UACA: variants seen among roughly 807,000 people sequenced by gnomAD.
UACA encodes uveal autoantigen with coiled-coil domains and ankyrin repeats.
UACA carries 112 observed loss-of-function variants against 160.5 expected under a neutral mutation model. The observed-to-expected ratio is 0.70, with a 90% confidence interval of 0.60 to 0.82. UACA has a LOEUF of 0.82. Ranked by LOEUF, UACA falls within the 40% of genes least tolerant of loss-of-function variation. The probability of loss-of-function intolerance (pLI) is 0.00; values close to 1 mark genes in which losing one functional copy is unlikely to be tolerated. For missense variants in UACA, 1,574 were observed against 1,614.6 expected, an observed-to-expected ratio of 0.97 and a Z score of 0.43; for synonymous variants, 557 against 568.4, an observed-to-expected ratio of 0.98 and a Z score of 0.29.
At chr15:70,728,536 C>G (rs1192888775) in intron 1 of UACA, among the ~76,000 whole-genome samples, 11 of 147,486 alleles carry the variant, frequency 7.5e-5, no homozygotes, top group Non-Finnish European at 1.5e-4. Context: ...GCACTCCAGC[C>G]TGGGAAACAA....
chr15:70,664,746 G>A lies in UACA; in HGVS notation c.4029C>T (p.Tyr1343=). The change falls in exon 17 of 19, where the codon TAC becomes TAT. Residue 1343 remains tyrosine, a synonymous_variant. Transcript: ENST00000322954. The part of the protein sequence containing the change: ...QALNGLSQLT[Y]TSGNPTKRQS... ...GCCTCTTGGTGGGGTTCCCACTTGT[G>A]TAGGTGAGTTGGGAAAGGCCATTGA... 6.2e-7 allele frequency: 1 copy of A among 1,613,702 alleles called. No homozygotes were observed. Among genetic ancestry groups the A allele is most frequent in the East Asian group, 2.2e-5 (1 of 44,842 alleles).
intron 1 of UACA, among the ~76,000 whole-genome samples, chr15:70,750,861 T>C (rs1197460039): frequency 1.3e-5 from 2 of 152,146 alleles, no homozygotes; most frequent in African/African-American, 2.4e-5. Context: ...CAGATTGGTG[T>C]CTCAGGAGCT....
At chr15:70,752,506 ATG>A (rs1420862627) in intron 1 of UACA, among the ~76,000 whole-genome samples, 6 of 152,068 alleles carry the variant, frequency 3.9e-5, no homozygotes, top group African/African-American at 1.4e-4. Flanking sequence ...GATGTATTAT[ATG>A]TGTTCTTGTT....
intron 1 of UACA, among the ~76,000 whole-genome samples, chr15:70,750,994 T>C (rs1031764174): frequency 6.6e-6 from 1 of 152,348 alleles, no homozygotes; most frequent in South Asian, 2.1e-4. Context: ...TTAAATGTCA[T>C]TGAATCGTTC....
chr15:70,701,285 C>A (rs1000196222), intron 1 of UACA, among the ~76,000 whole-genome samples: 7 of 152,136 alleles, frequency 4.6e-5, no homozygotes, highest in African/African-American at 1.7e-4. Context: ...CTACATTTTA[C>A]GCATCACCTT....
chr15:70,744,377 T>C (rs765585780), intron 1 of UACA, among the ~76,000 whole-genome samples: 1 of 150,890 alleles, frequency 6.6e-6, no homozygotes, highest in Non-Finnish European at 1.5e-5. Flanking sequence ...CCCTACCACA[T>C]AAATCTAGCA....
In UACA at chr15:70,671,005, GT is replaced by G. The variant is rs746142056; in HGVS notation, c.1221+33del. On this transcript the variant is annotated intron_variant, in intron 15 of 18. Coordinates refer to ENST00000322954, the MANE Select transcript of UACA (RefSeq NM_018003.4). ...AAAGGCACAAAAATTTTCTTTAAAT[GT>G]TTTTTAAAATTAAAAAAAAAAACAG... 2.3e-5 allele frequency: 33 copies of G among 1,430,846 alleles called. No homozygotes were observed. In the Admixed American group the frequency reaches 2.3e-4, roughly 10 times the overall value. The allele number at this position is 1,430,846 out of a possible 1,614,324, so 88.6% of individuals were successfully genotyped here.
At chr15:70,704,641 C>A (rs1289892509) in intron 1 of UACA, among the ~76,000 whole-genome samples, 2 of 152,272 alleles carry the variant, frequency 1.3e-5, no homozygotes, top group African/African-American at 4.8e-5. Context: ...CAATAGAGAA[C>A]CTATATGTGT....
In UACA at chr15:70,668,640, C is replaced by G. The variant is rs150332740; in HGVS notation, c.2044G>C (p.Val682Leu). The change falls in exon 16 of 19, where the codon GTC becomes CTC. Residue 682 changes from valine (V) to leucine (L), a missense_variant. Transcript: ENST00000322954. ...ACCTGTTCATGTTCCTCTGGTTTGACGTGCTGAGCAAGCTTGGCCTTAACA... is the reference window on the plus strand; with the variant it reads ...ACCTGTTCATGTTCCTCTGGTTTGAGGTGCTGAGCAAGCTTGGCCTTAACA... ...ENVKAKLAQH[V>L]KPEEHEQVKS... 582 of 1,613,854 alleles carry G rather than the reference C, an allele frequency of 3.6e-4. No homozygotes were observed. Among genetic ancestry groups the G allele is most frequent in the Non-Finnish European group, 4.6e-4 (545 of 1,179,974 alleles).
intron 8 of UACA, among the ~76,000 whole-genome samples, chr15:70,683,910 T>G (rs1483975466): frequency 6.6e-6 from 1 of 151,734 alleles, no homozygotes; most frequent in Non-Finnish European, 1.5e-5. Flanking sequence ...CATACATGTT[T>G]AAACAATGAT....
In UACA at chr15:70,667,536, GA is replaced by G. The variant is rs1896963410; in HGVS notation, c.3147del (p.Leu1050SerfsTer12). 6.2e-7 allele frequency: 1 copy of G among 1,612,832 alleles called. No homozygotes were observed. Among genetic ancestry groups the G allele is most frequent in the Admixed American group, 1.7e-5 (1 of 59,904 alleles). On this transcript the variant is annotated frameshift_variant, in exon 16 of 19. Coordinates refer to ENST00000322954, the MANE Select transcript of UACA (RefSeq NM_018003.4). LOFTEE classifies it high-confidence loss of function. ...TCCATTTCATGAGACTTCTCAATGA[GA>G]ACTGTCTTATCTCTCAAATCTTTCT... ...TLQKDLRDKT[V>X]LIEKSHEMER...
At chr15:70,678,720 G>A (rs1470003759) in intron 10 of UACA, among the ~76,000 whole-genome samples, 1 of 151,976 alleles carries the variant, frequency 6.6e-6, no homozygotes, top group African/African-American at 2.4e-5. Context: ...ATCATTTAAC[G>A]GTGTTTCAGT....
In UACA at chr15:70,749,524, C is replaced by CAA. The variant is rs538980286; in HGVS notation, c.78+13804_78+13805dup. The stretch of plus-strand genomic sequence containing the variant: ...CTGGGCGATAAGCAAGACTCCGTCT[C>CAA]AAAAAAAAAAAACAAAAACAAAAAA... On this transcript the variant is annotated intron_variant, in intron 1 of 18. Transcript: ENST00000322954. 1.1e-3 allele frequency among the ~76,000 whole-genome samples: 143 copies of CAA among 134,762 alleles called. 1 individual carries two copies. Among genetic ancestry groups the CAA allele is most frequent in the African/African-American group, 3.5e-3 (126 of 36,138 alleles). The allele number at this position is 134,762 out of a possible 152,430, so 88.4% of individuals were successfully genotyped here.
intron 1 of UACA, among the ~76,000 whole-genome samples, chr15:70,712,440 T>C (rs1262001596): frequency 1.3e-5 from 2 of 152,166 alleles, no homozygotes; most frequent in East Asian, 3.9e-4. Context: ...TTTCCTTGTG[T>C]TCTCCACACT....
intron 1 of UACA, among the ~76,000 whole-genome samples, chr15:70,713,895 A>C (rs750952583): frequency 2.0e-5 from 3 of 151,896 alleles, no homozygotes; most frequent in Non-Finnish European, 2.9e-5. Context: ...CTAAAAAAAC[A>C]ACCATAAAAA....
At chr15:70,684,538 G>A (rs1025162617) in intron 7 of UACA, 92 bp from the exon 8 acceptor site, 1 of 1,307,950 alleles carries the variant, frequency 7.6e-7, no homozygotes, top group Non-Finnish European at 1.0e-6. Context: ...CTGTCTTAGT[G>A]TTCACTGGAT....
rs1566963228 is a variant in UACA, at chr15:70,667,264, CCTTTGCATACT to C, written c.3409_3419del (p.Ser1137ValfsTer33). 1 of 1,613,206 alleles carries C rather than the reference CCTTTGCATACT, an allele frequency of 6.2e-7. No homozygotes were observed. Among genetic ancestry groups the C allele is most frequent in the Admixed American group, 1.7e-5 (1 of 59,864 alleles). ...CTGTCTGCTGCTCTTTCTCGTAACACCTTTGCATACTCTTCAGTTCTTCCTTTAGATTTTCA... is the reference window on the plus strand; with the variant it reads ...CTGTCTGCTGCTCTTTCTCGTAACACCTTCAGTTCTTCCTTTAGATTTTCA... On this transcript the variant is annotated frameshift_variant, in exon 16 of 19. Transcript: ENST00000322954. LOFTEE classifies it high-confidence loss of function.
rs775635325 is a variant in UACA at position 70,690,508 on chromosome 15, T to G, written c.370A>C (p.Asn124His). ...ALCLQKLLQY[N>H]CPTEHADLQG... ...AGGTCTGCATGCTCAGTGGGACAAT[T>G]GTACTGTTAAAGTAAAGAAAACTTA... Residue 124 changes from asparagine to histidine, a missense_variant, in exon 5 of 19, where the codon AAT becomes CAT. Transcript: ENST00000322954. The G allele has an allele frequency of 3.1e-6, 5 of 1,612,360 alleles. No individual in the cohort carries two copies. Among genetic ancestry groups the G allele is most frequent in the Non-Finnish European group, 3.4e-6 (4 of 1,179,154 alleles).
Position 70,755,651 on chromosome 15 carries a change from CAA to C in UACA, c.78+7677_78+7678del, listed in dbSNP as rs1037435763. Among the ~76,000 whole-genome samples the C allele has an allele frequency of 3.4e-5, 5 of 149,232 alleles. 1 individual carries two copies. In the South Asian group the frequency reaches 8.5e-4, roughly 25 times the overall value. ...CGCCACTGCACTCCAGCCTGAGCGA[CAA>C]GAGGGAGACTTATTCTCAAAAATAA... On this transcript the variant is annotated intron_variant, in intron 1 of 18. Coordinates refer to ENST00000322954, the MANE Select transcript of UACA (RefSeq NM_018003.4).
Sources: gnomAD v4.1 joint callset for allele counts (sites outside exome capture counted in the v4.1 genomes callset) on GRCh38, gnomAD v4.1.1 for gene constraint, MANE v1.5 for transcripts, NCBI Gene and HGNC (gene_info 2026-07-23, HGNC 2026-07-21) for gene names.